Variants in GARIN2 observed in about 807,000 individuals in gnomAD.
GARIN2 encodes the protein Golgi-associated RAB2 interactor protein 2.
At chr14:67,228,270 G>T in the GARIN2 span, 2 of 218,572 alleles carry the variant, frequency 9.2e-6, no homozygotes, top group African/African-American at 4.7e-5. Flanking sequence ...TTTATATCAA[G>T]AAGAAAAGTT....
the GARIN2 span, among the ~76,000 whole-genome samples, chr14:67,207,299 G>C: frequency 2.0e-5 from 3 of 152,146 alleles, no homozygotes; most frequent in Admixed American, 6.5e-5. Context: ...TCGTGTGGAA[G>C]AGAAGGGGAG....
the GARIN2 span, among the ~76,000 whole-genome samples, chr14:67,215,769 G>T: frequency 1.3e-5 from 2 of 152,002 alleles, no homozygotes; most frequent in African/African-American, 2.4e-5. Flanking sequence ...TCATTGATCA[G>T]GTCTGGTCAC....
At chr14:67,199,550 G>T in the GARIN2 span, 3 of 1,605,276 alleles carry the variant, frequency 1.9e-6, no homozygotes, top group South Asian at 2.2e-5. Context: ...AGCCATGAAT[G>T]GGCAGTACCT....
At chr14:67,210,930 G>A in the GARIN2 span, among the ~76,000 whole-genome samples, 1 of 152,066 alleles carries the variant, frequency 6.6e-6, no homozygotes, top group Non-Finnish European at 1.5e-5. Context: ...AACCTGGGAG[G>A]TGGAGGTTGC....
At chr14:67,204,733 G>A in the GARIN2 span, 1 of 1,613,832 alleles carries the variant, frequency 6.2e-7, no homozygotes, top group African/African-American at 1.3e-5. Flanking sequence ...CAAAGTGTCG[G>A]AGGTTTCAAG....
At chr14:67,220,990 C>G in the GARIN2 span, among the ~76,000 whole-genome samples, 3 of 152,204 alleles carry the variant, frequency 2.0e-5, no homozygotes, top group African/African-American at 7.2e-5. Flanking sequence ...TTATTCAATA[C>G]TTCCAAAATA....
chr14:67,194,431 AG>A, the GARIN2 span, among the ~76,000 whole-genome samples: 1 of 151,816 alleles, frequency 6.6e-6, no homozygotes, highest in Non-Finnish European at 1.5e-5. Flanking sequence ...TACGATGATG[AG>A]GGGGGCGTGT....
chr14:67,204,424 A>G, the GARIN2 span: 1 of 1,369,152 alleles, frequency 7.3e-7, no homozygotes, highest in Non-Finnish European at 9.5e-7. Context: ...CGTGGGCAAC[A>G]GAGTGAGAAC....
At chr14:67,224,647 C>T in the GARIN2 span, 2 of 303,814 alleles carry the variant, frequency 6.6e-6, no homozygotes, top group Non-Finnish European at 6.5e-6. Flanking sequence ...ACAGTGAGCC[C>T]AAATTATGGG....
At chr14:67,199,082 C>T in the GARIN2 span, 94 of 985,008 alleles carry the variant, frequency 9.5e-5, 2 homozygotes, top group East Asian at 1.9e-3. Flanking sequence ...GGCCGATCTC[C>T]GAGCGGAACC....
the GARIN2 span, among the ~76,000 whole-genome samples, chr14:67,207,125 A>T: frequency 6.6e-6 from 1 of 152,216 alleles, no homozygotes; most frequent in South Asian, 2.1e-4. Flanking sequence ...TTTTAAGGAA[A>T]TGTAATAGAG....
chr14:67,216,303 G>T, the GARIN2 span, among the ~76,000 whole-genome samples: 2 of 151,886 alleles, frequency 1.3e-5, no homozygotes, highest in African/African-American at 4.8e-5. Flanking sequence ...TTTTTGTCAT[G>T]TCCTTGTCTG....
the GARIN2 span, among the ~76,000 whole-genome samples, chr14:67,194,128 C>T: frequency 2.0e-5 from 3 of 151,638 alleles, no homozygotes; most frequent in Non-Finnish European, 4.4e-5. Flanking sequence ...TTTGGGAGGC[C>T]GAGGTGGGCA....
chr14:67,208,149 A>G, the GARIN2 span: 1 of 1,602,416 alleles, frequency 6.2e-7, no homozygotes, highest in Non-Finnish European at 8.5e-7. Flanking sequence ...ACAAACACCT[A>G]TTACCTGATG....
At chr14:67,221,017 C>G in the GARIN2 span, among the ~76,000 whole-genome samples, 1 of 151,976 alleles carries the variant, frequency 6.6e-6, no homozygotes, top group African/African-American at 2.4e-5. Flanking sequence ...GAAAATGTGT[C>G]AAGAAATAAG....
the GARIN2 span, among the ~76,000 whole-genome samples, chr14:67,212,792 A>G: frequency 3.3e-5 from 5 of 151,838 alleles, 1 homozygote; most frequent in South Asian, 1.0e-3. Flanking sequence ...ACAAAGGAAA[A>G]TGGGTGATCC....
the GARIN2 span, chr14:67,198,213 C>T: frequency 6.2e-7 from 1 of 1,613,902 alleles, no homozygotes; most frequent in Non-Finnish European, 8.5e-7. Context: ...GCAAGATGCT[C>T]TCTGCACCCC....
At chr14:67,199,725 A>G in the GARIN2 span, 23,929 of 1,576,002 alleles carry the variant, frequency 0.015, 217 homozygotes, top group Non-Finnish European at 0.018. Context: ...TCTGCCCCCA[A>G]TCCTGTGGTA....
the GARIN2 span, among the ~76,000 whole-genome samples, chr14:67,209,157 G>A: frequency 6.6e-6 from 1 of 152,164 alleles, no homozygotes; most frequent in Non-Finnish European, 1.5e-5. Context: ...AAATATTTAT[G>A]AGCACTTCCT....
Sources: gnomAD v4.1 joint callset for allele counts (sites outside exome capture counted in the v4.1 genomes callset) on GRCh38, gnomAD v4.1.1 for gene constraint, MANE v1.5 for transcripts, NCBI Gene and HGNC (gene_info 2026-07-23, HGNC 2026-07-21) for gene names.